The following RNFT2 variants were observed in gnomAD, a reference collection of about 807,000 sequenced individuals.
The protein encoded by RNFT2 is E3 ubiquitin-protein ligase RNFT2.
A neutral mutation model predicts 53.0 loss-of-function variants in RNFT2; 36 were observed. The observed-to-expected ratio is 0.68, with a 90% CI of 0.52 to 0.90. RNFT2 has a LOEUF of 0.90. RNFT2 is among the 40% of genes least tolerant of loss of function. The pLI is 0.00. For synonymous variants in RNFT2, 260 were observed against 253.2 expected (o/e 1.03, Z -0.26); for missense variants, 514 against 585.6 (o/e 0.88, Z 1.26).
intron 10 of RNFT2, among the ~76,000 whole-genome samples, chr12:116,841,665 T>C (rs984706634): frequency 6.8e-6 from 1 of 147,062 alleles, no homozygotes; most frequent in Non-Finnish European, 1.5e-5. Context: ...GGAGAGTCAC[T>C]GGAACCTGGG....
intron 7 of RNFT2, among the ~76,000 whole-genome samples, chr12:116,823,681 T>TA (rs1239047352): frequency 1.3e-5 from 2 of 152,036 alleles, no homozygotes; most frequent in African/African-American, 2.4e-5. Flanking sequence ...AGACTCTGTC[T>TA]AAAAAAAATA....
chr12:116,761,483 G>A (rs1319060636), intron 5 of RNFT2, among the ~76,000 whole-genome samples: 3 of 152,090 alleles, frequency 2.0e-5, no homozygotes, highest in Non-Finnish European at 4.4e-5. Context: ...TCATGCTTAT[G>A]GCCATTCCTC....
At chr12:116,753,153 T>TC (rs796390668) in intron 4 of RNFT2, among the ~76,000 whole-genome samples, 2,892 of 100,748 alleles carry the variant, frequency 0.029, 26 homozygotes, top group East Asian at 0.083. Context: ...TTTTTCTTTT[T>TC]TTTTTTTTTT....
intron 4 of RNFT2, among the ~76,000 whole-genome samples, chr12:116,750,904 A>ATTTTT (rs1235444935): frequency 3.8e-4 from 16 of 41,626 alleles, no homozygotes; most frequent in Admixed American, 2.9e-4. Flanking sequence ...ATATATATAT[A>ATTTTT]TATATTTTTT....
intron 7 of RNFT2, among the ~76,000 whole-genome samples, chr12:116,805,093 CATT>C (rs1234968575): frequency 1.3e-5 from 2 of 149,980 alleles, no homozygotes; most frequent in Non-Finnish European, 3.0e-5. Context: ...ACTAGAGACA[CATT>C]ATCAAGAAAG....
chr12:116,828,428 G>A (rs573921309), intron 7 of RNFT2, among the ~76,000 whole-genome samples: 151 of 152,268 alleles, frequency 9.9e-4, no homozygotes, highest in African/African-American at 3.4e-3. Context: ...TTGTTGATCA[G>A]TTTCCCCTCC....
At chr12:116,840,240 A>G (rs988274484) in intron 10 of RNFT2, among the ~76,000 whole-genome samples, 8 of 152,342 alleles carry the variant, frequency 5.3e-5, no homozygotes, top group Admixed American at 2.6e-4. Flanking sequence ...CAAGTTCTTC[A>G]TACTTGACCT....
At chr12:116,777,949 G>A (rs1422133485) in intron 6 of RNFT2, among the ~76,000 whole-genome samples, 1 of 152,100 alleles carries the variant, frequency 6.6e-6, no homozygotes, top group Non-Finnish European at 1.5e-5. Context: ...TTTATAAACT[G>A]GAGATAAGCA....
intron 10 of RNFT2, among the ~76,000 whole-genome samples, chr12:116,843,959 C>T (rs1877482475): frequency 6.6e-6 from 1 of 152,180 alleles, no homozygotes; most frequent in Non-Finnish European, 1.5e-5. Flanking sequence ...GCCCTCATGG[C>T]GTTTACCACC....
At chr12:116,843,043 T>C (rs1029251554) in intron 10 of RNFT2, among the ~76,000 whole-genome samples, 13 of 152,130 alleles carry the variant, frequency 8.5e-5, no homozygotes, top group South Asian at 2.1e-4. Flanking sequence ...TTCTCTCACA[T>C]TGGGGCTGGC....
chr12:116,821,802 CTTTTTTTTTTTT>C (rs149043452), intron 7 of RNFT2, among the ~76,000 whole-genome samples: 13 of 43,932 alleles, frequency 3.0e-4, no homozygotes, highest in South Asian at 3.4e-3. Context: ...CTACTTGTTT[CTTTTTTTTTTTT>C]TTTTTTTTTT....
chr12:116,818,320 C>CAA (rs11380244), intron 7 of RNFT2, among the ~76,000 whole-genome samples: 9,040 of 140,954 alleles, frequency 0.064, 362 homozygotes, highest in African/African-American at 0.097. Flanking sequence ...GGCCCTATCT[C>CAA]AAAAAAAAAA....
Position 116,808,645 on chromosome 12 carries a change from AACAACCTCAG to A in RNFT2, c.883-25142_883-25133del, listed in dbSNP as rs530748372. ...TGTTCCGCCACTAGAGAAGATGAAA[AACAACCTCAG>A]ACAATGGAAGACAAGGCTTGCCACA... On this transcript the variant is annotated intron_variant, in intron 7 of 10. Coordinates refer to ENST00000257575, the MANE Select transcript of RNFT2 (RefSeq NM_001382266.1). Among the ~76,000 whole-genome samples the A allele has an allele frequency of 3.9e-5, 6 of 152,176 alleles. No individual in the cohort carries two copies. The South Asian group carries it at 1.2e-3, about 32-fold the overall frequency.
At chr12:116,787,301 T>C (rs2137127627) in intron 7 of RNFT2, among the ~76,000 whole-genome samples, 1 of 152,350 alleles carries the variant, frequency 6.6e-6, no homozygotes, top group East Asian at 1.9e-4. Flanking sequence ...CCTAGGCCAT[T>C]CCTAACCTGC....
At chr12:116,847,459 G>T (rs1466153988) in intron 10 of RNFT2, among the ~76,000 whole-genome samples, 1 of 151,896 alleles carries the variant, frequency 6.6e-6, no homozygotes, top group African/African-American at 2.4e-5. Context: ...TGCATTACTT[G>T]TCCAAGTTAT....
chr12:116,832,352 A>G (rs181157778), intron 7 of RNFT2, among the ~76,000 whole-genome samples: 8 of 152,082 alleles, frequency 5.3e-5, no homozygotes, highest in African/African-American at 1.4e-4. Flanking sequence ...TTGATTCGAC[A>G]TAATGTTTGT....
In RNFT2 at chr12:116,851,415, G is replaced by C. The variant is rs1877919328; in HGVS notation, c.*1967G>C. On this transcript the variant is annotated 3_prime_UTR_variant, in exon 11 of 11. Transcript: ENST00000257575. ...CTGCTCTGCCCCTCAGACATTCCAG[G>C]CATGGGGCCCAGCAGACACGGTCTT... The C allele has an allele frequency of 3.0e-6, 1 of 328,596 alleles. No individual in the cohort carries two copies. Among genetic ancestry groups the C allele is most frequent in the South Asian group, 3.1e-5 (1 of 32,134 alleles). 20.4% of individuals were successfully genotyped at this position (328,596 alleles called of 1,614,324 possible).
intron 7 of RNFT2, among the ~76,000 whole-genome samples, chr12:116,790,260 T>TA (rs1350451557): frequency 3.3e-5 from 5 of 152,202 alleles, no homozygotes; most frequent in Non-Finnish European, 7.3e-5. Context: ...GGCAATGTGT[T>TA]AAGCAATGCC....
chr12:116,745,062 T>C (rs58724135), intron 3 of RNFT2, among the ~76,000 whole-genome samples: 6,975 of 152,124 alleles, frequency 0.046, 214 homozygotes, highest in African/African-American at 0.081. Flanking sequence ...TCATTATTAT[T>C]ATCCAGAGCC....
Sources: gnomAD v4.1 joint callset for allele counts (sites outside exome capture counted in the v4.1 genomes callset) on GRCh38, gnomAD v4.1.1 for gene constraint, MANE v1.5 for transcripts, NCBI Gene and HGNC (gene_info 2026-07-23, HGNC 2026-07-21) for gene names.